Variants in MDN1 observed in about 807,000 individuals in gnomAD.
The protein encoded by MDN1 is midasin.
A neutral mutation model predicts 669.2 loss-of-function variants in MDN1; 266 were observed. The ratio of observed to expected loss-of-function variants is 0.40; its 90% CI spans 0.36 to 0.44. MDN1 has a LOEUF of 0.44. Among genes scored for constraint, MDN1 ranks in the 20% least tolerant of loss-of-function variants. MDN1 has a pLI of 1.00. For missense variants in MDN1, 5,940 were observed against 6,754.0 expected (o/e 0.88, Z 4.22); for synonymous variants, 2,385 against 2,457.1 (o/e 0.97, Z 0.87).
At chr6:89,645,550 C>A (rs1203385810) in intron 100 of MDN1, among the ~76,000 whole-genome samples, 1 of 152,094 alleles carries the variant, frequency 6.6e-6, no homozygotes, top group Non-Finnish European at 1.5e-5. Context: ...AAGAAAGTGG[C>A]CAAATCAGAA....
intron 77 of MDN1, 53 bp from the exon 78 acceptor site, chr6:89,675,632 C>T (rs539875872): frequency 3.4e-6 from 5 of 1,458,928 alleles, no homozygotes; most frequent in Middle Eastern, 1.9e-4. Flanking sequence ...ACATCACCCA[C>T]AGATGTGCCT....
chr6:89,789,116 T>A (rs1295288434), intron 7 of MDN1, among the ~76,000 whole-genome samples: 1 of 135,566 alleles, frequency 7.4e-6, no homozygotes, highest in East Asian at 2.2e-4. Flanking sequence ...AGAGCAAGAC[T>A]CTGTCTCACA....
At position 89,716,660 on chromosome 6, in the gene MDN1, T is replaced by A; in HGVS notation, c.6733A>T (p.Asn2245Tyr). ...GCATAAGGTTCTTACTTGCAGAAGT[T>A]AACATTGTCCATCAGAAGCCAGTCT... is the stretch of plus-strand genomic sequence containing the variant. ...SGDWLLMDNV[N>Y]FCNPSVLDRL... Residue 2245 changes from asparagine to tyrosine, a missense_variant, in exon 44 of 102, where the codon AAC becomes TAC. This residue lies in a region of MDN1 where 2,292 missense variants were observed against 2,638.3 expected (regional missense o/e 0.87). Coordinates refer to ENST00000369393, the MANE Select transcript of MDN1 (RefSeq NM_014611.3). 1 of 1,611,436 alleles carries A rather than the reference T, an allele frequency of 6.2e-7. No homozygotes were observed. The highest frequency in any genetic ancestry group is 8.5e-7 in the Non-Finnish European group (1 of 1,179,248).
At chr6:89,789,689 T>C (rs1819147932) in intron 7 of MDN1, 91 bp downstream of exon 7, 2 of 1,430,898 alleles carry the variant, frequency 1.4e-6, no homozygotes, top group Non-Finnish European at 1.9e-6. Flanking sequence ...TACATTTTTG[T>C]TTAAATCATC....
chr6:89,671,305 C>A lies in MDN1; in HGVS notation c.13795-225G>T, dbSNP rs531343346. 5.5e-4 allele frequency among the ~76,000 whole-genome samples: 84 copies of A among 152,260 alleles called. 1 individual carries two copies. The highest frequency in any genetic ancestry group is 1.9e-3 in the African/African-American group (80 of 41,534). On this transcript the variant is annotated intron_variant, in intron 82 of 101. Transcript: ENST00000369393. Reference sequence around the variant, plus strand: ...TCGTCACAAAAGTACAATCTCAAACCGATGTCTCCTTTGGCTAACAATGTT... The same window carrying A: ...TCGTCACAAAAGTACAATCTCAAACAGATGTCTCCTTTGGCTAACAATGTT...
rs748567581 is a variant in MDN1 at position 89,751,507 on chromosome 6, T to C, written c.3151A>G (p.Thr1051Ala). 7.4e-6 allele frequency: 12 copies of C among 1,614,040 alleles called. No individual in the cohort carries two copies. The highest frequency in any genetic ancestry group is 6.7e-5 in the African/African-American group (5 of 74,914). Residue 1051 changes from threonine to alanine, a missense_variant, in exon 23 of 102, where the codon ACA (threonine) becomes GCA (alanine). This residue lies in a region of MDN1 where 1,203 missense variants were observed against 1,268.9 expected (regional missense o/e 0.95). Transcript: ENST00000369393. ...GTCAGAATGTACGTCTCATCTATTG[T>C]AGGCTCCTTGTCTCCCACCGCAATC... ...YWIAVGDKEP[T>A]IDETYILTSS...
In MDN1 at chr6:89,727,874, G is replaced by C. The variant is rs529609414; in HGVS notation, c.5431C>G (p.Leu1811Val). ...GEFAWRDGPL[L>V]AALKAGHWVV... The stretch of plus-strand genomic sequence containing the variant: ...CAATGGCCTGCCTTCAAAGCTGCCA[G>C]TAAGGGGCCATCACGCCAGGCAAAC... Residue 1811 changes from leucine (L) to valine (V), a missense_variant, in exon 37 of 102, where the codon CTG becomes GTG. Transcript: ENST00000369393. 1.2e-6 allele frequency: 2 copies of C among 1,614,010 alleles called. No homozygotes were observed. The highest frequency in any genetic ancestry group is 1.1e-5 in the South Asian group (1 of 91,080).
chr6:89,817,787 T>C (rs1768940125), intron 1 of MDN1, among the ~76,000 whole-genome samples: 1 of 152,032 alleles, frequency 6.6e-6, no homozygotes, highest in Non-Finnish European at 1.5e-5. Flanking sequence ...AAACAACCAG[T>C]CTGGGGCAGG....
At chr6:89,676,768 G>A (rs994223303) in intron 76 of MDN1, among the ~76,000 whole-genome samples, 1 of 152,134 alleles carries the variant, frequency 6.6e-6, no homozygotes, top group African/African-American at 2.4e-5. Flanking sequence ...TTAAAGCCCT[G>A]GGAGCAAATA....
rs779686573 is a variant in MDN1, at chr6:89,712,156, C to T, written c.7531G>A (p.Asp2511Asn). Residue 2511 changes from aspartate (D) to asparagine (N), a missense_variant, in exon 49 of 102, where the codon GAT becomes AAT. Asp to Asn is a conservative substitution (Grantham distance 23, BLOSUM62 1). Coordinates refer to ENST00000369393, the MANE Select transcript of MDN1 (RefSeq NM_014611.3). ...NAVEVNTYWI[D>N]EPDVLVMAVK... Reference sequence around the variant, plus strand: ...GCCATGACCAAAACATCTGGTTCATCGATCCAGTAAGTATTCACTTCGACT... The same window carrying T: ...GCCATGACCAAAACATCTGGTTCATTGATCCAGTAAGTATTCACTTCGACT... The T allele has an allele frequency of 9.9e-6, 16 of 1,613,950 alleles. No homozygotes were observed. Among genetic ancestry groups the T allele is most frequent in the Middle Eastern group, 1.6e-4 (1 of 6,084 alleles).
At chr6:89,760,452 T>C (rs1370548585) in intron 17 of MDN1, among the ~76,000 whole-genome samples, 2 of 152,104 alleles carry the variant, frequency 1.3e-5, no homozygotes, top group Non-Finnish European at 2.9e-5. Context: ...AAAATAGTAA[T>C]AGATCCAGCA....
chr6:89,764,256 C>T (rs1422382934), intron 15 of MDN1, among the ~76,000 whole-genome samples: 1 of 152,078 alleles, frequency 6.6e-6, no homozygotes, highest in East Asian at 1.9e-4. Flanking sequence ...ACGTGTTAGC[C>T]ACTGAATCAA....
Position 89,761,630 on chromosome 6 carries a change from C to G in MDN1, c.2460+15G>C, listed in dbSNP as rs771123877. 1 of 1,572,504 alleles carries G rather than the reference C, an allele frequency of 6.4e-7. No homozygotes were observed. The highest frequency in any genetic ancestry group is 8.7e-7 in the Non-Finnish European group (1 of 1,153,256). On this transcript the variant is annotated intron_variant, in intron 17 of 101. Coordinates refer to ENST00000369393, the MANE Select transcript of MDN1 (RefSeq NM_014611.3). Reference sequence around the variant, plus strand: ...ATCAACGTTCCCATAAGCTAAATAACAAAAACAGAAATACCTCTACAAATG... The same window carrying G: ...ATCAACGTTCCCATAAGCTAAATAAGAAAAACAGAAATACCTCTACAAATG...
chr6:89,654,574 T>C (rs1251773641), intron 92 of MDN1, among the ~76,000 whole-genome samples: 2 of 152,100 alleles, frequency 1.3e-5, no homozygotes. Context: ...AATGTAACTA[T>C]ACATGTGACA....
At chr6:89,696,242 AC>A in intron 60 of MDN1, 117 bp downstream of exon 60, 2 of 1,158,254 alleles carry the variant, frequency 1.7e-6, no homozygotes, top group Non-Finnish European at 2.5e-6. Context: ...GGCAGAAAAT[AC>A]CCTCACTTCA....
Position 89,672,675 on chromosome 6 carries a change from A to C in MDN1, c.13502T>G (p.Val4501Gly). Residue 4501 changes from valine (V) to glycine (G), a missense_variant, in exon 81 of 102, where the codon GTG becomes GGG. Transcript: ENST00000369393. ...GGNQMLDEGF[V>G]EDFSEQMEIA... ...TTCCATTTGCTCTGAAAAATCTTCC[A>C]CAAATCCTTCGTCCAACATTTGATT... 1 of 1,614,008 alleles carries C rather than the reference A, an allele frequency of 6.2e-7. No homozygotes were observed. Among genetic ancestry groups the C allele is most frequent in the Non-Finnish European group, 8.5e-7 (1 of 1,180,012 alleles).
At chr6:89,795,612 C>T (rs1410225491) in intron 2 of MDN1, among the ~76,000 whole-genome samples, 1 of 152,052 alleles carries the variant, frequency 6.6e-6, no homozygotes, top group Non-Finnish European at 1.5e-5. Flanking sequence ...GAACTGCAAA[C>T]CCTTCGCTAG....
At chr6:89,675,616 T>C (rs1398844907) in intron 77 of MDN1, 37 bp from the exon 78 acceptor site, 6 of 1,563,152 alleles carry the variant, frequency 3.8e-6, no homozygotes, top group Non-Finnish European at 5.3e-6. Context: ...AAGGGGCTGC[T>C]GACAAACATC....
chr6:89,650,078 C>T lies in MDN1; in HGVS notation c.16152G>A (p.Gln5384=). ...RRTKPSKRQY[Q]ICLAIDDSSS... is the part of the protein sequence containing the mutation. ...AAGAGTCATCGATAGCCAAACAAAT[C>T]TGATACTGGCGTTTACTGGGCTTGG... Residue 5384 remains glutamine, a synonymous_variant, in exon 97 of 102, where the codon CAG becomes CAA. Coordinates refer to ENST00000369393, the MANE Select transcript of MDN1 (RefSeq NM_014611.3). 6.2e-7 allele frequency: 1 copy of T among 1,614,124 alleles called. No homozygotes were observed. Among genetic ancestry groups the T allele is most frequent in the Non-Finnish European group, 8.5e-7 (1 of 1,180,016 alleles).
Sources: gnomAD v4.1 joint callset for allele counts (sites outside exome capture counted in the v4.1 genomes callset) on GRCh38, gnomAD v4.1.1 for gene constraint, gnomAD v4.1.1 regional missense constraint, MANE v1.5 for transcripts, NCBI Gene and HGNC (gene_info 2026-07-23, HGNC 2026-07-21) for gene names.